ARHGAP42: variants seen among roughly 807,000 people sequenced by gnomAD.
ARHGAP42 encodes the protein Rho GTPase activating protein 42.
ARHGAP42 carries 63 observed loss-of-function variants against 125.0 expected under a neutral mutation model. The observed-to-expected ratio is 0.50, with a 90% confidence interval of 0.41 to 0.62. The LOEUF is 0.62. ARHGAP42 is among the 20% of genes least tolerant of loss of function. The probability of loss-of-function intolerance (pLI) is 0.00; values close to 1 mark genes in which losing one functional copy is unlikely to be tolerated. For missense variants in ARHGAP42, 766 were observed against 1,024.2 expected (o/e 0.75, Z 3.44); for synonymous variants, 339 against 351.0 (o/e 0.97, Z 0.38).
chr11:100,872,166 A>G lies in ARHGAP42; in HGVS notation c.384+12541A>G, dbSNP rs114884523. Reference sequence around the variant, plus strand: ...ATCAAAATTGAATATGAAGCCCCCAAAGAGTATCTGGATACTATAGCATTT... The same window carrying G: ...ATCAAAATTGAATATGAAGCCCCCAGAGAGTATCTGGATACTATAGCATTT... On this transcript the variant is annotated intron_variant, in intron 4 of 23. Transcript: ENST00000298815. Among the ~76,000 whole-genome samples the G allele has an allele frequency of 4.0e-3, 605 of 152,338 alleles. 3 individuals carry two copies. Among genetic ancestry groups the G allele is most frequent in the African/African-American group, 0.014 (584 of 41,568 alleles).
intron 2 of ARHGAP42, among the ~76,000 whole-genome samples, chr11:100,779,576 A>ACATACGTATATATATACG: frequency 6.9e-6 from 1 of 145,784 alleles, no homozygotes; most frequent in African/African-American, 2.5e-5. Flanking sequence ...ATATACGTAT[A>ACATACGTATATATATACG]TATACATATA....
At chr11:100,830,973 G>A (rs1013872730) in intron 3 of ARHGAP42, among the ~76,000 whole-genome samples, 1 of 151,960 alleles carries the variant, frequency 6.6e-6, no homozygotes, top group Non-Finnish European at 1.5e-5. Flanking sequence ...GGGAAAGATG[G>A]GAAGGGGTCA....
At chr11:100,841,999 G>A (rs1864956359) in intron 3 of ARHGAP42, among the ~76,000 whole-genome samples, 1 of 152,182 alleles carries the variant, frequency 6.6e-6, no homozygotes, top group Non-Finnish European at 1.5e-5. Context: ...GTATTACACT[G>A]TAAGTATTTG....
intron 1 of ARHGAP42, among the ~76,000 whole-genome samples, chr11:100,699,168 A>G (rs1267099746): frequency 1.3e-5 from 2 of 152,054 alleles, no homozygotes; most frequent in African/African-American, 4.8e-5. Flanking sequence ...CAGGGGATAT[A>G]ACTACCCTGA....
intron 3 of ARHGAP42, among the ~76,000 whole-genome samples, chr11:100,835,565 A>G (rs1864766705): frequency 1.3e-5 from 2 of 152,168 alleles, no homozygotes; most frequent in Admixed American, 1.3e-4. Flanking sequence ...TCTCAGACAC[A>G]CCAAAGGTGT....
At chr11:100,738,143 A>T (rs1862105536) in intron 1 of ARHGAP42, among the ~76,000 whole-genome samples, 1 of 152,238 alleles carries the variant, frequency 6.6e-6, no homozygotes, top group Non-Finnish European at 1.5e-5. Flanking sequence ...AGTCAAGAAA[A>T]TATCGTAGAA....
In ARHGAP42 at chr11:100,976,512, G is replaced by A. The variant is rs56655861; in HGVS notation, c.2236+75G>A. ...GTGCTGGATTATTCAGCATGGTTAA[G>A]CAGGGATAAAGTTAATGGTGGAGAA... is the stretch of plus-strand genomic sequence containing the variant. On this transcript the variant is annotated intron_variant, in intron 20 of 23. Transcript: ENST00000298815. 4.6e-3 allele frequency: 6,619 copies of A among 1,449,616 alleles called. 342 individuals carry two copies. In the East Asian group the frequency reaches 0.12, roughly 26 times the overall value. 89.8% of individuals were successfully genotyped at this position (1,449,616 alleles called of 1,614,324 possible).
chr11:100,890,690 A>G (rs1008544799), intron 4 of ARHGAP42, among the ~76,000 whole-genome samples: 7 of 152,202 alleles, frequency 4.6e-5, no homozygotes, highest in African/African-American at 1.4e-4. Context: ...ATGTTTTCAA[A>G]ATAAAAGATT....
chr11:100,814,562 G>T (rs1201033574), intron 3 of ARHGAP42, among the ~76,000 whole-genome samples: 1 of 152,090 alleles, frequency 6.6e-6, no homozygotes, highest in African/African-American at 2.4e-5. Context: ...AGTTCTGCAG[G>T]CTGTACAGGA....
At position 100,818,124 on chromosome 11, in the gene ARHGAP42, C is replaced by T. The variant is rs752256124; in HGVS notation, c.312+22958C>T. Reference sequence around the variant, plus strand: ...GGCTAGCAATGCCTGCTGATCTACCCATTATTGTGTGTCCCCCTGGTCCTT... The same window carrying T: ...GGCTAGCAATGCCTGCTGATCTACCTATTATTGTGTGTCCCCCTGGTCCTT... On this transcript the variant is annotated intron_variant, in intron 3 of 23. Transcript: ENST00000298815. Among the ~76,000 whole-genome samples, 257 of 152,272 alleles carry T rather than the reference C, an allele frequency of 1.7e-3. 2 individuals are homozygous for T. The highest frequency in any genetic ancestry group is 2.7e-3 in the Non-Finnish European group (184 of 68,022).
intron 1 of ARHGAP42, chr11:100,738,449 G>A (rs1862112951): frequency 6.6e-6 from 1 of 152,178 alleles, no homozygotes; most frequent in Non-Finnish European, 1.5e-5. Context: ...CTTTGTTTTA[G>A]ATTTAAAAGA....
intron 16 of ARHGAP42, among the ~76,000 whole-genome samples, chr11:100,965,014 C>T (rs928359825): frequency 2.0e-5 from 3 of 152,014 alleles, no homozygotes; most frequent in Admixed American, 6.6e-5. Flanking sequence ...GGGAAGGACT[C>T]GGGAAACTTA....
At chr11:100,802,070 C>T (rs1373893227) in intron 3 of ARHGAP42, among the ~76,000 whole-genome samples, 1 of 152,134 alleles carries the variant, frequency 6.6e-6, no homozygotes, top group African/African-American at 2.4e-5. Flanking sequence ...CAGACTACCT[C>T]TAATACAGAG....
At chr11:100,786,996 C>T (rs555499842) in intron 2 of ARHGAP42, among the ~76,000 whole-genome samples, 38 of 152,106 alleles carry the variant, frequency 2.5e-4, no homozygotes, top group African/African-American at 6.7e-4. Context: ...GTGGCAGTTT[C>T]GCTGGGTGTG....
chr11:100,872,384 G>GT (rs1173195933), intron 4 of ARHGAP42, among the ~76,000 whole-genome samples: 12 of 151,950 alleles, frequency 7.9e-5, no homozygotes, highest in African/African-American at 2.9e-4. Flanking sequence ...AAATTAATGA[G>GT]TTTTTGTTGT....
intron 4 of ARHGAP42, among the ~76,000 whole-genome samples, chr11:100,901,282 G>T (rs116975906): frequency 1.3e-5 from 2 of 152,294 alleles, no homozygotes; most frequent in Non-Finnish European, 2.9e-5. Flanking sequence ...TCCTCTGCAA[G>T]CTTCGTTCCA....
chr11:100,878,781 C>T (rs1865885080), intron 4 of ARHGAP42, among the ~76,000 whole-genome samples: 1 of 152,006 alleles, frequency 6.6e-6, no homozygotes, highest in African/African-American at 2.4e-5. Context: ...TGCTTGAAAT[C>T]CTATCTGCAC....
intron 16 of ARHGAP42, among the ~76,000 whole-genome samples, chr11:100,964,957 A>G (rs7939762): frequency 0.45 from 68,122 of 151,970 alleles, 16,812 homozygotes; most frequent in African/African-American, 0.63. Context: ...AAGACTCAGT[A>G]ATTTATAAGA....
At position 100,697,688 on chromosome 11, in the gene ARHGAP42, G is replaced by T. The variant is rs1282837543; in HGVS notation, c.154+9856G>T. Among the ~76,000 whole-genome samples the T allele has an allele frequency of 2.6e-5, 4 of 152,230 alleles. No individual in the cohort carries two copies. The East Asian group carries it at 7.7e-4, about 29-fold the overall frequency. Reference sequence around the variant, plus strand: ...ATTTGGAAAACTGGTCTGTGTCTGTGTGTGGACTGGAGTGATAAGGCACTA... The same window carrying T: ...ATTTGGAAAACTGGTCTGTGTCTGTTTGTGGACTGGAGTGATAAGGCACTA... On this transcript the variant is annotated intron_variant, in intron 1 of 23. Transcript: ENST00000298815.
Sources: gnomAD v4.1 joint callset for allele counts (sites outside exome capture counted in the v4.1 genomes callset) on GRCh38, gnomAD v4.1.1 for gene constraint, MANE v1.5 for transcripts, NCBI Gene and HGNC (gene_info 2026-07-23, HGNC 2026-07-21) for gene names.